The following CDC42BPG variants were observed in gnomAD, a reference collection of about 807,000 sequenced individuals.
CDC42BPG encodes CDC42 binding protein kinase gamma, also known as serine/threonine-protein kinase MRCK gamma.
In CDC42BPG, 157 loss-of-function variants were observed where a neutral mutation model predicts 192.2. The ratio of observed to expected loss-of-function variants is 0.82; its 90% CI spans 0.72 to 0.93. The LOEUF is 0.93. Ranked by LOEUF, CDC42BPG falls within the 40% of genes least tolerant of loss-of-function variation. CDC42BPG has a pLI of 0.00. For missense variants in CDC42BPG, 1,992 were observed against 2,122.1 expected, an observed-to-expected ratio of 0.94 and a Z score of 1.20; for synonymous variants, 981 against 918.5, an observed-to-expected ratio of 1.07 and a Z score of -1.23.
rs1451842101 is a variant in CDC42BPG, at chr11:64,827,574, T to C, written c.4103A>G (p.Tyr1368Cys). ...GGTCAGGCGGACCTTCTCGGTGCCG[T>C]AGAGGAACAGGGAGCCCTCTGGATT... Reference protein sequence around the residue: ...PLNPEGSLFLYGTEKVRLTYL... With the variant: ...PLNPEGSLFLCGTEKVRLTYL... Residue 1368 changes from tyrosine (Y) to cysteine (C), a missense_variant, in exon 32 of 37, where the codon TAC becomes TGC. By Grantham distance (194) the Tyr-to-Cys change is radical. This residue lies in a region of CDC42BPG where 336 missense variants were observed against 277.9 expected (regional missense o/e 1.21). Coordinates refer to ENST00000342711, the MANE Select transcript of CDC42BPG (RefSeq NM_017525.3). 1 of 1,612,274 alleles carries C rather than the reference T, an allele frequency of 6.2e-7. No homozygotes were observed. The highest frequency in any genetic ancestry group is 2.2e-5 in the East Asian group (1 of 44,792).
Position 64,828,608 on chromosome 11 carries a change from C to T in CDC42BPG, c.3968-825G>A, listed in dbSNP as rs539894674. Among the ~76,000 whole-genome samples, 8 of 152,308 alleles carry T rather than the reference C, an allele frequency of 5.3e-5. No homozygotes were observed. In the South Asian group the frequency reaches 1.7e-3, roughly 32 times the overall value. ...GCCCTGAGCTGACACTGGGGTGGTA[C>T]CTAGTTAAGAGTTTGCCAGGTACAG... On this transcript the variant is annotated intron_variant, in intron 30 of 36. Transcript: ENST00000342711.
At chr11:64,839,646 C>A in intron 5 of CDC42BPG, 75 bp from the exon 6 acceptor site, 1 of 1,233,410 alleles carries the variant, frequency 8.1e-7, no homozygotes, top group East Asian at 2.5e-5. Context: ...CGCCCAGGTG[C>A]ACATGCACGG....
At chr11:64,834,144 C>T (rs925711225) in intron 20 of CDC42BPG, 122 bp downstream of exon 20, 9 of 1,365,870 alleles carry the variant, frequency 6.6e-6, no homozygotes, top group African/African-American at 1.4e-5. Context: ...ATGGAGTAAG[C>T]GGCAGAGTCC....
At chr11:64,834,654 C>T (rs1476830768) in intron 18 of CDC42BPG, 77 bp from the exon 19 acceptor site, 3 of 1,461,610 alleles carry the variant, frequency 2.1e-6, no homozygotes. Flanking sequence ...CCAGAGCATC[C>T]TGCTACCCAT....
Position 64,839,409 on chromosome 11 carries a change from G to T in CDC42BPG, c.675+69C>A. 2.0e-6 allele frequency: 3 copies of T among 1,536,802 alleles called. No individual in the cohort carries two copies. The South Asian group carries it at 3.5e-5, about 18-fold the overall frequency. On this transcript the variant is annotated intron_variant, in intron 6 of 36. Transcript: ENST00000342711. ...CTGATGCCTCTGCACTAGGCCTGGG[G>T]CCTCCCATTTTCCTGAGAGCTTGGC...
At chr11:64,835,980 TC>T in intron 13 of CDC42BPG, 129 bp from the exon 14 acceptor site, 1 of 1,311,120 alleles carries the variant, frequency 7.6e-7, no homozygotes, top group African/African-American at 1.5e-5. Context: ...GACTGCCCCG[TC>T]CCAGCCACCA....
Position 64,835,573 on chromosome 11 carries a change from C to T in CDC42BPG, c.1807G>A (p.Gly603Arg). 2.5e-6 allele frequency: 4 copies of T among 1,585,096 alleles called. No individual in the cohort carries two copies. In the East Asian group the frequency reaches 6.7e-5, roughly 27 times the overall value. Residue 603 changes from glycine to arginine, a missense_variant, in exon 15 of 37, where the codon GGG becomes AGG. Around this residue, in one of 2 missense-constraint regions of CDC42BPG, gnomAD observed 1,656 missense variants for 1,844.3 expected, o/e 0.90. Coordinates refer to ENST00000342711, the MANE Select transcript of CDC42BPG (RefSeq NM_017525.3). ...TTCCTCAGTTGGGCCTCCTGAGGCCCACCCTCAGGGGGTCCCATCCCGTTG... is the reference window on the plus strand; with the variant it reads ...TTCCTCAGTTGGGCCTCCTGAGGCCTACCCTCAGGGGGTCCCATCCCGTTG... ...ETNGMGPPEG[G>R]PQEAQLRKEV...
chr11:64,839,413 C>A, intron 6 of CDC42BPG, 65 bp downstream of exon 6: 1 of 1,547,234 alleles, frequency 6.5e-7, no homozygotes, highest in Non-Finnish European at 8.8e-7. Flanking sequence ...CCTGGGGCCT[C>A]CCATTTTCCT....
intron 28 of CDC42BPG, among the ~76,000 whole-genome samples, chr11:64,830,823 A>G (rs2136274817): frequency 6.6e-6 from 1 of 152,340 alleles, no homozygotes; most frequent in South Asian, 2.1e-4. Flanking sequence ...AGCTCCACCC[A>G]GGAGATGTTA....
Position 64,840,700 on chromosome 11 carries a change from G to GC in CDC42BPG, c.337-53dup, listed in dbSNP as rs57183951. On this transcript the variant is annotated intron_variant, in intron 3 of 36. Transcript: ENST00000342711. ...GTGGGGTGGGATCAGAGCCCAGGAT[G>GC]CCCCCCTTGCCAGCTCAGGGGATGG... 129 of 1,504,896 alleles carry GC rather than the reference G, an allele frequency of 8.6e-5. No homozygotes were observed. In the African/African-American group the frequency reaches 1.6e-3, roughly 19 times the overall value. The allele number at this position is 1,504,896 out of a possible 1,614,324, so 93.2% of individuals were successfully genotyped here.
Position 64,829,909 on chromosome 11 carries a change from G to A in CDC42BPG, c.3529C>T (p.Arg1177Ter), listed in dbSNP as rs778213741. Residue 1177 changes from arginine (R) to a stop codon, truncating the protein, a stop_gained, in exon 30 of 37, where the codon CGA becomes TGA. Coordinates refer to ENST00000342711, the MANE Select transcript of CDC42BPG (RefSeq NM_017525.3). LOFTEE classifies it high-confidence loss of function. ...CCAGCTGCCAGCACCTGGCAGCCTC[G>A]AGACTCGGGGATCTTGGCACCTGCT... ...EVAGAKIPESRGCQVLAAGSI... is the reference protein window; with the variant it reads ...EVAGAKIPES 18 of 1,609,884 alleles carry A rather than the reference G, an allele frequency of 1.1e-5. No homozygotes were observed. Among genetic ancestry groups the A allele is most frequent in the Non-Finnish European group, 1.5e-5 (18 of 1,178,628 alleles).
At position 64,830,234 on chromosome 11, in the gene CDC42BPG, G is replaced by A; in HGVS notation, c.3327C>T (p.Gly1109=). The A allele has an allele frequency of 6.2e-7, 1 of 1,611,756 alleles. No homozygotes were observed. The highest frequency in any genetic ancestry group is 1.1e-5 in the South Asian group (1 of 90,606). ...GGATGACAAAGAGCCCCTCCTCGGT[G>A]CCAAGCGCAAGTCGATCCTGGTCTG... is the stretch of plus-strand genomic sequence containing the variant. ...AILDQDRLAL[G]TEEGLFVIHL... is the part of the protein sequence containing the mutation. The change falls in exon 29 of 37, where the codon GGC becomes GGT. Residue 1109 remains glycine (G), a synonymous_variant. Transcript: ENST00000342711.
At chr11:64,826,337 T>C (rs940029786) in intron 36 of CDC42BPG, 133 bp downstream of exon 36, 1 of 680,118 alleles carries the variant, frequency 1.5e-6, no homozygotes, top group Non-Finnish European at 2.7e-6. Context: ...GGTAAGAATC[T>C]GCATCTCGTA....
chr11:64,827,822 C>G, intron 30 of CDC42BPG, 39 bp from the exon 31 acceptor site: 1 of 1,533,726 alleles, frequency 6.5e-7, no homozygotes, highest in Non-Finnish European at 8.9e-7. Context: ...GTTTCCCCCT[C>G]TGTTCCACAG....
rs1592720266 is a variant in CDC42BPG, at chr11:64,839,292, C to T, written c.676-59G>A. On this transcript the variant is annotated intron_variant, in intron 6 of 36. Coordinates refer to ENST00000342711, the MANE Select transcript of CDC42BPG (RefSeq NM_017525.3). ...CTTTGGGCTTGGCTGGGACTGCTGG[C>T]TCCTCGCGATGGCCCTGTCACCCCT... 4 of 1,597,570 alleles carry T rather than the reference C, an allele frequency of 2.5e-6. No homozygotes were observed. The East Asian group carries it at 8.9e-5, about 36-fold the overall frequency.
chr11:64,832,431 A>G lies in CDC42BPG; in HGVS notation c.3084T>C (p.Phe1028=). 6.2e-7 allele frequency: 1 copy of G among 1,613,738 alleles called. No homozygotes were observed. The highest frequency in any genetic ancestry group is 8.5e-7 in the Non-Finnish European group (1 of 1,179,838). The change falls in exon 27 of 37, where the codon TTT becomes TTC. Residue 1028 remains phenylalanine (F), a synonymous_variant. Transcript: ENST00000342711. ...CCATCTCATCCCAGGCACTCACCCT[A>G]AAGATGCGTGGCAGGTCCCTGGATT... ...HAQSRDLPRI[F]RVTTSQLAVP...
At chr11:64,836,687 C>T (rs1943008054) in intron 11 of CDC42BPG, 52 bp downstream of exon 11, 2 of 1,113,500 alleles carry the variant, frequency 1.8e-6, no homozygotes, top group African/African-American at 2.1e-5. Flanking sequence ...AGGACCCGAG[C>T]CCAGGTGGGA....
At position 64,827,150 on chromosome 11, in the gene CDC42BPG, G is replaced by C. The variant is rs150833954; in HGVS notation, c.4289C>G (p.Pro1430Arg). The part of the protein sequence containing the change: ...KQQRREMLKD[P>R]FVRSKLISPP... ...CGAGATGAGCTTGGAGCGCACAAAA[G>C]GGTCCTTCAGCATCTCCCTGTGGGC... Residue 1430 changes from proline (P) to arginine (R), a missense_variant, in exon 34 of 37, where the codon CCT becomes CGT. By Grantham distance (103) the Pro-to-Arg change is moderately radical. Transcript: ENST00000342711. The C allele has an allele frequency of 4.2e-5, 67 of 1,613,974 alleles. No homozygotes were observed. Among genetic ancestry groups the C allele is most frequent in the Non-Finnish European group, 4.2e-5 (49 of 1,179,958 alleles).
At position 64,835,805 on chromosome 11, in the gene CDC42BPG, T is replaced by C; in HGVS notation, c.1715A>G (p.Gln572Arg). Residue 572 changes from glutamine to arginine, a missense_variant, in exon 14 of 37, where the codon CAG becomes CGG. Physicochemically the swap from Gln to Arg is conservative, Grantham distance 43. This residue lies in a region of CDC42BPG where 1,656 missense variants were observed against 1,844.3 expected (regional missense o/e 0.90). Transcript: ENST00000342711. ...SSLSRQVTQL[Q>R]GQWEQRLEES... ...CTCAAGGCGTTGCTCCCACTGTCCC[T>C]GCAGCTGCGTCACCTGCCGGCTCAG... 6.2e-7 allele frequency: 1 copy of C among 1,613,202 alleles called. No homozygotes were observed. The highest frequency in any genetic ancestry group is 1.1e-5 in the South Asian group (1 of 91,048).
Sources: allele counts gnomAD v4.1 joint callset (sites outside exome capture counted in the v4.1 genomes callset), GRCh38; gene constraint gnomAD v4.1.1; regional missense constraint gnomAD v4.1.1; transcripts MANE v1.5; gene names NCBI Gene and HGNC (gene_info 2026-07-23, HGNC 2026-07-21).